The following TRPM2 variants were observed in gnomAD, a reference collection of about 807,000 sequenced individuals.
The protein encoded by TRPM2 is estrogen-responsive element-associated gene 1 protein.
A neutral mutation model predicts 174.0 loss-of-function variants in TRPM2; 161 were observed. The observed-to-expected ratio is 0.93, with a 90% CI of 0.81 to 1.05. TRPM2 has a LOEUF of 1.05. Ranked by LOEUF, TRPM2 falls within the 50% of genes least tolerant of loss-of-function variation. The probability of loss-of-function intolerance (pLI) is 0.00; values close to 1 mark genes in which losing one functional copy is unlikely to be tolerated. For missense variants in TRPM2, 2,057 were observed against 2,038.0 expected (o/e 1.01, Z -0.18); for synonymous variants, 954 against 861.3 (o/e 1.11, Z -1.88).
intron 13 of TRPM2, 83 bp downstream of exon 13, chr21:44,397,959 C>A: frequency 7.0e-7 from 1 of 1,427,728 alleles, no homozygotes; most frequent in Non-Finnish European, 9.2e-7. Context: ...GGGTCTCAGC[C>A]CCATGTGCCC....
Position 44,400,305 on chromosome 21 carries a change from G to A in TRPM2, c.2255G>A (p.Gly752Glu). 1 of 1,612,882 alleles carries A rather than the reference G, an allele frequency of 6.2e-7. No homozygotes were observed. The highest frequency in any genetic ancestry group is 8.5e-7 in the Non-Finnish European group (1 of 1,179,896). Residue 752 changes from glycine (G) to glutamate (E), a missense_variant, in exon 15 of 32, where the codon GGG (glycine) becomes GAG (glutamate). By Grantham distance (98) the Gly-to-Glu change is moderately conservative. Coordinates refer to ENST00000397928, the MANE Select transcript of TRPM2 (RefSeq NM_003307.4). Reference protein sequence around the residue: ...VWWGQLSVDNGLWRVTLCMLA... With the variant: ...VWWGQLSVDNELWRVTLCMLA... ...TGGGGCCAGCTCTCCGTGGACAATGGGCTGTGGCGTGTGACCCTGTGCATG... is the reference window on the plus strand; with the variant it reads ...TGGGGCCAGCTCTCCGTGGACAATGAGCTGTGGCGTGTGACCCTGTGCATG...
intron 17 of TRPM2, among the ~76,000 whole-genome samples, 156 bp downstream of exon 17, chr21:44,405,416 G>A (rs141264505): frequency 6.6e-4 from 101 of 152,270 alleles, no homozygotes; most frequent in Non-Finnish European, 1.2e-3. Context: ...AGGCAACAGC[G>A]CCCCACCTAC....
chr21:44,404,019 CAA>C (rs2049750536), intron 16 of TRPM2, among the ~76,000 whole-genome samples: 1 of 140,984 alleles, frequency 7.1e-6, no homozygotes, highest in African/African-American at 3.1e-5. Context: ...TGCACATACA[CAA>C]ATATACACAT....
At chr21:44,382,560 C>T (rs2146213898) in intron 8 of TRPM2, among the ~76,000 whole-genome samples, 158 bp from the exon 9 acceptor site, 1 of 152,312 alleles carries the variant, frequency 6.6e-6, no homozygotes, top group East Asian at 1.9e-4. Flanking sequence ...TCTTCATCTG[C>T]ACCATCTAGG....
In TRPM2 at chr21:44,438,971, C is replaced by A; in HGVS notation, c.4168-96C>A. 1 of 1,001,604 alleles carries A rather than the reference C, an allele frequency of 1.0e-6. No individual in the cohort carries two copies. 62.0% of individuals were successfully genotyped at this position (1,001,604 alleles called of 1,614,324 possible). A position where few individuals can be genotyped will look rare whatever the true frequency, so the allele number is the denominator to read the frequency against. The stretch of plus-strand genomic sequence containing the variant: ...TGGCTCCCAGGGCTGGGCCGCTGCC[C>A]ACGCCGGGCAGGAGGCCAGTGGAGA... On this transcript the variant is annotated intron_variant, in intron 29 of 31. Coordinates refer to ENST00000397928, the MANE Select transcript of TRPM2 (RefSeq NM_003307.4). This position sits in a 1 kb window ranked among gnomAD's most constrained non-coding sequence, Gnocchi z 5.9.
intron 22 of TRPM2, among the ~76,000 whole-genome samples, chr21:44,423,173 C>A (rs1284380650): frequency 2.4e-5 from 3 of 126,188 alleles, no homozygotes; most frequent in African/African-American, 9.0e-5. Context: ...TGCTCCACAA[C>A]CCCCACAAAA....
Position 44,442,120 on chromosome 21 carries a change from AGAGT to A in TRPM2, c.*304_*307del, listed in dbSNP as rs1357683473. ...GGCCTGTGCAGCTGGGCCCTTGGCC[AGAGT>A]CCACTCCCTTCCTGGCTGTGTCACC... On this transcript the variant is annotated 3_prime_UTR_variant, in exon 32 of 32. Transcript: ENST00000397928. The A allele has an allele frequency of 3.3e-6, 1 of 300,130 alleles. No individual in the cohort carries two copies. Among genetic ancestry groups the A allele is most frequent in the Non-Finnish European group, 6.1e-6 (1 of 164,470 alleles). 18.6% of individuals were successfully genotyped at this position (300,130 alleles called of 1,614,324 possible).
chr21:44,412,226 A>T (rs961060650), intron 19 of TRPM2, among the ~76,000 whole-genome samples: 1 of 152,048 alleles, frequency 6.6e-6, no homozygotes, highest in African/African-American at 2.4e-5. Context: ...CTGAGTGTGG[A>T]CTTTTCTTTG....
In TRPM2 at chr21:44,353,801, G is replaced by A. The variant is rs1272396715; in HGVS notation, c.101G>A (p.Arg34Gln). The A allele has an allele frequency of 3.7e-6, 6 of 1,602,004 alleles. No individual in the cohort carries two copies. In the African/African-American group the frequency reaches 5.4e-5, roughly 14 times the overall value. ...VTDLGMVSNL[R>Q]RSNSSLFKSW... ...GACCTGGGGATGGTCTCCAATCTCC[G>A]GCGCAGCAACAGCAGCCTCTTCAAG... is the stretch of plus-strand genomic sequence containing the variant. The change falls in exon 1 of 32, where the codon CGG becomes CAG. Residue 34 changes from arginine (R) to glutamine (Q), a missense_variant. Arg to Gln is a conservative substitution (Grantham distance 43). Transcript: ENST00000397928.
intron 16 of TRPM2, among the ~76,000 whole-genome samples, chr21:44,404,080 T>G (rs950466698): frequency 3.3e-5 from 5 of 151,722 alleles, no homozygotes; most frequent in African/African-American, 1.2e-4. Context: ...TGAACAAACA[T>G]GTACACACAT....
intron 11 of TRPM2, among the ~76,000 whole-genome samples, chr21:44,392,218 C>A (rs745715308): frequency 2.3e-4 from 35 of 151,680 alleles, no homozygotes; most frequent in Middle Eastern, 6.8e-3. Context: ...TCTCCTCACC[C>A]TCCAAAAGGC....
In TRPM2 at chr21:44,426,971, A is replaced by G. The variant is rs150310541; in HGVS notation, c.3873-39A>G. ...TGCCTGTCTGCTCTGTCCCACCTGC[A>G]ACACGGGCACACAGACACGCCTTCT... On this transcript the variant is annotated intron_variant, in intron 26 of 31. Transcript: ENST00000397928. 6.1e-4 allele frequency: 951 copies of G among 1,547,124 alleles called. 9 individuals carry two copies. In the African/African-American group the frequency reaches 0.011, roughly 19 times the overall value.
Position 44,366,853 on chromosome 21 carries a change from G to A in TRPM2, c.523G>A (p.Gly175Arg), listed in dbSNP as rs751155396. The A allele has an allele frequency of 1.4e-5, 22 of 1,611,860 alleles. No homozygotes were observed. The South Asian group carries it at 1.5e-4, about 11-fold the overall frequency. The change falls in exon 4 of 32, where the codon GGG becomes AGG. Residue 175 changes from glycine (G) to arginine (R), a missense_variant. Transcript: ENST00000397928. This position sits in a 1 kb window ranked among gnomAD's most constrained non-coding sequence, Gnocchi z 6.0. Reference protein sequence around the residue: ...DVPNLLISVTGGAKNFNMKPR... With the variant: ...DVPNLLISVTRGAKNFNMKPR... Reference sequence around the variant, plus strand: ...CCCCAATCTCTTGATCTCGGTGACCGGGGGGGCCAAGAACTTCAACATGAA... The same window carrying A: ...CCCCAATCTCTTGATCTCGGTGACCAGGGGGGCCAAGAACTTCAACATGAA...
In TRPM2 at chr21:44,354,093, C is replaced by T. The variant is rs1033229142; in HGVS notation, c.165+228C>T. ...ATGGTTGGTCTGATTGGGAAATCAC[C>T]GGGTTAACTCAAAAATGTTGCGCTA... On this transcript the variant is annotated intron_variant, in intron 1 of 31. Transcript: ENST00000397928. This position sits in a 1 kb window ranked among gnomAD's most constrained non-coding sequence, Gnocchi z 4.3. Among the ~76,000 whole-genome samples the T allele has an allele frequency of 6.6e-6, 1 of 152,172 alleles. No homozygotes were observed. The highest frequency in any genetic ancestry group is 2.4e-5 in the African/African-American group (1 of 41,436).
intron 24 of TRPM2, 34 bp from the exon 25 acceptor site, chr21:44,425,636 C>A: frequency 6.9e-7 from 1 of 1,456,320 alleles, no homozygotes; most frequent in Non-Finnish European, 9.1e-7. Context: ...AGCCCGGGCT[C>A]CGCCTTGCGT....
intron 7 of TRPM2, among the ~76,000 whole-genome samples, chr21:44,378,490 G>A (rs1449150106): frequency 6.6e-6 from 1 of 152,150 alleles, no homozygotes; most frequent in East Asian, 1.9e-4. Context: ...TGCGTGCCGA[G>A]TACCCTTCAC....
chr21:44,382,295 GTAGA>G (rs887078001), intron 8 of TRPM2, among the ~76,000 whole-genome samples: 5 of 152,122 alleles, frequency 3.3e-5, no homozygotes, highest in East Asian at 1.9e-4. Context: ...ATCAGATTAT[GTAGA>G]TAGATAGATG....
intron 28 of TRPM2, among the ~76,000 whole-genome samples, chr21:44,435,581 TGACCCCTCAGACTCACTCTCCACA>T (rs2051214215): frequency 1.4e-5 from 2 of 144,808 alleles, no homozygotes; most frequent in Non-Finnish European, 3.0e-5. Flanking sequence ...AGCCCCACAC[TGACCCCTCAGACTCACTCTCCACA>T]CCCATCCACG....
chr21:44,394,102 C>T (rs1440242533), intron 11 of TRPM2, among the ~76,000 whole-genome samples: 1 of 152,098 alleles, frequency 6.6e-6, no homozygotes, highest in Non-Finnish European at 1.5e-5. Context: ...ATCTCCTGAC[C>T]TTAGGATCCA....
Sources: gnomAD v4.1 joint callset for allele counts (sites outside exome capture counted in the v4.1 genomes callset) on GRCh38, gnomAD v4.1.1 for gene constraint, Gnocchi (gnomAD v3.1) non-coding constraint, MANE v1.5 for transcripts, NCBI Gene and HGNC (gene_info 2026-07-23, HGNC 2026-07-21) for gene names.